PRKCH: variants seen among roughly 807,000 people sequenced by gnomAD.
PRKCH encodes the protein protein kinase C eta type.
PRKCH carries 28 observed loss-of-function variants against 82.5 expected under a neutral mutation model. The ratio of observed to expected loss-of-function variants is 0.34; its 90% CI spans 0.25 to 0.47. The LOEUF (loss-of-function observed/expected upper bound fraction) is 0.47, where lower values mean the gene tolerates loss of function less well. PRKCH is among the 20% of genes least tolerant of loss of function. The pLI, the probability that PRKCH is intolerant of heterozygous loss-of-function variation, is 1.00. For synonymous variants in PRKCH, 322 were observed against 327.4 expected, an observed-to-expected ratio of 0.98 and a Z score of 0.18; for missense variants, 705 against 881.8, an observed-to-expected ratio of 0.80 and a Z score of 2.54.
At chr14:61,260,444 G>C (rs1199369064) in intron 1 of PRKCH, among the ~76,000 whole-genome samples, 2 of 152,036 alleles carry the variant, frequency 1.3e-5, no homozygotes, top group East Asian at 3.9e-4. Flanking sequence ...CATTTATTGA[G>C]GGCCCATCAA....
Position 61,457,334 on chromosome 14 carries a change from T to C in PRKCH, c.1104+15T>C, listed in dbSNP as rs1220605593. ...GTTTTGGGAAGGTGAGTCTTGGCTT[T>C]AACTGTTTGGGTTGAAGTAAGTGTG... On this transcript the variant is annotated intron_variant, in intron 8 of 13. Transcript: ENST00000332981. The C allele has an allele frequency of 2.5e-6, 4 of 1,613,462 alleles. No individual in the cohort carries two copies. In the South Asian group the frequency reaches 4.4e-5, roughly 18 times the overall value.
chr14:61,498,215 T>C (rs1886750605), intron 10 of PRKCH, among the ~76,000 whole-genome samples: 1 of 152,084 alleles, frequency 6.6e-6, no homozygotes, highest in South Asian at 2.1e-4. Flanking sequence ...GGTTTCACCA[T>C]GTTGGCCAGG....
At chr14:61,518,657 T>TG (rs2042860881) in intron 10 of PRKCH, among the ~76,000 whole-genome samples, 1 of 152,184 alleles carries the variant, frequency 6.6e-6, no homozygotes, top group African/African-American at 2.4e-5. Context: ...TGAGTCCCTT[T>TG]GCTCAACTTA....
intron 1 of PRKCH, among the ~76,000 whole-genome samples, chr14:61,207,567 A>G (rs2044537176): frequency 6.6e-6 from 1 of 152,120 alleles, no homozygotes; most frequent in Admixed American, 6.5e-5. Context: ...GATGTTTTCA[A>G]TTTACTAGTG....
intron 2 of PRKCH, among the ~76,000 whole-genome samples, chr14:61,403,093 C>T (rs1241949498): frequency 6.6e-6 from 1 of 151,970 alleles, no homozygotes; most frequent in African/African-American, 2.4e-5. Context: ...AATAATGCCA[C>T]TCTCTCTATC....
chr14:61,543,790 G>A (rs2043217831), intron 12 of PRKCH: 1 of 152,228 alleles, frequency 6.6e-6, no homozygotes, highest in South Asian at 2.1e-4. Flanking sequence ...GGATTATGCT[G>A]TCACCATTCA....
intron 1 of PRKCH, among the ~76,000 whole-genome samples, chr14:61,244,809 T>A (rs968253774): frequency 6.6e-6 from 1 of 152,238 alleles, no homozygotes; most frequent in Non-Finnish European, 1.5e-5. Flanking sequence ...TCACACTTTA[T>A]ATACCCCCGA....
chr14:61,274,237 C>T (rs756952289), intron 1 of PRKCH, among the ~76,000 whole-genome samples: 66 of 152,234 alleles, frequency 4.3e-4, no homozygotes, highest in Admixed American at 1.1e-3. Context: ...AGCAAAGACA[C>T]GGAGGTTAGG....
intron 1 of PRKCH, among the ~76,000 whole-genome samples, chr14:61,330,862 G>A (rs1197693230): frequency 6.6e-6 from 1 of 152,138 alleles, no homozygotes; most frequent in African/African-American, 2.4e-5. Context: ...TAACAGGGGT[G>A]TCCAATCTTT....
At chr14:61,513,612 T>C (rs1176956400) in intron 10 of PRKCH, among the ~76,000 whole-genome samples, 1 of 152,142 alleles carries the variant, frequency 6.6e-6, no homozygotes, top group Non-Finnish European at 1.5e-5. Flanking sequence ...ATAAAATGTA[T>C]TAAAAGTAAA....
intron 9 of PRKCH, among the ~76,000 whole-genome samples, chr14:61,484,432 G>A (rs896631763): frequency 3.3e-5 from 5 of 151,754 alleles, no homozygotes; most frequent in Admixed American, 3.3e-4. Flanking sequence ...AAATGTCACA[G>A]GAAGGAGTGA....
chr14:61,498,958 G>A (rs968125541), intron 10 of PRKCH, among the ~76,000 whole-genome samples: 8 of 152,122 alleles, frequency 5.3e-5, no homozygotes, highest in Non-Finnish European at 7.3e-5. Flanking sequence ...AAATCTACCC[G>A]GAAATGATTT....
intron 2 of PRKCH, among the ~76,000 whole-genome samples, chr14:61,401,023 A>G (rs547807276): frequency 1.3e-5 from 2 of 152,280 alleles, no homozygotes; most frequent in Non-Finnish European, 2.9e-5. Context: ...AACTGTCCTC[A>G]GGATAGCATA....
intron 1 of PRKCH, among the ~76,000 whole-genome samples, chr14:61,286,122 A>G (rs1047527062): frequency 6.6e-6 from 1 of 152,222 alleles, no homozygotes; most frequent in African/African-American, 2.4e-5. Flanking sequence ...TCTTACTGTA[A>G]CAGAACCTGG....
At chr14:61,334,279 C>G (rs932009297) in intron 1 of PRKCH, among the ~76,000 whole-genome samples, 2 of 152,122 alleles carry the variant, frequency 1.3e-5, no homozygotes, top group African/African-American at 4.8e-5. Context: ...TCTCGGCTCT[C>G]CAGCACTGCC....
Position 61,208,596 on chromosome 14 carries a change from A to T in PRKCH, c.-19+20928A>T, listed in dbSNP as rs558537491. Among the ~76,000 whole-genome samples the T allele has an allele frequency of 1.7e-4, 26 of 152,322 alleles. No individual in the cohort carries two copies. In the South Asian group the frequency reaches 5.0e-3, roughly 29 times the overall value. On this transcript the variant is annotated intron_variant, in intron 1 of 3. Transcript: ENST00000555185. ...TAATTTTAAAGGTGAAAGTCTTAAGATTCTCAATGATTCCAAAAATCATAG... is the reference window on the plus strand; with the variant it reads ...TAATTTTAAAGGTGAAAGTCTTAAGTTTCTCAATGATTCCAAAAATCATAG...
At chr14:61,294,418 C>T (rs570738584) in intron 1 of PRKCH, among the ~76,000 whole-genome samples, 3 of 152,132 alleles carry the variant, frequency 2.0e-5, no homozygotes, top group East Asian at 1.9e-4. Context: ...CCATGCCTGA[C>T]GTTGAAGTTT....
intron 1 of PRKCH, among the ~76,000 whole-genome samples, chr14:61,237,016 C>G (rs558973884): frequency 3.9e-4 from 59 of 152,250 alleles, no homozygotes; most frequent in African/African-American, 1.3e-3. Context: ...CTTGCTTCCA[C>G]TTTACCCTAT....
chr14:61,341,725 C>T (rs562674682), intron 1 of PRKCH, among the ~76,000 whole-genome samples: 4 of 152,252 alleles, frequency 2.6e-5, no homozygotes, highest in South Asian at 2.1e-4. Context: ...GTAACCAGGT[C>T]GAAGGTAGTG....
Sources: allele counts gnomAD v4.1 joint callset (sites outside exome capture counted in the v4.1 genomes callset), GRCh38; gene constraint gnomAD v4.1.1; transcripts MANE v1.5; gene names NCBI Gene and HGNC (gene_info 2026-07-23, HGNC 2026-07-21).